TMEM63B: variants seen among roughly 807,000 people sequenced by gnomAD.
The protein encoded by TMEM63B is transmembrane protein 63B, also known as mechanosensitive cation channel TMEM63B.
TMEM63B carries 23 observed loss-of-function variants against 102.6 expected under a neutral mutation model. The ratio of observed to expected loss-of-function variants is 0.22; its 90% confidence interval spans 0.16 to 0.32. TMEM63B has a LOEUF of 0.32. Among genes scored for constraint, TMEM63B ranks in the 10% least tolerant of loss-of-function variants. The pLI is 1.00. For synonymous variants in TMEM63B, 444 were observed against 437.0 expected (o/e 1.02, Z -0.20); for missense variants, 628 against 1,095.9 (o/e 0.57, Z 6.03).
chr6:44,151,137 G>A (rs539937243), intron 18 of TMEM63B, among the ~76,000 whole-genome samples: 22 of 151,896 alleles, frequency 1.4e-4, no homozygotes, highest in East Asian at 5.8e-4. Flanking sequence ...GTCTGTGGGC[G>A]GGGAGGCTAA....
chr6:44,137,935 GT>G (rs1763326066), intron 5 of TMEM63B, among the ~76,000 whole-genome samples: 1 of 152,082 alleles, frequency 6.6e-6, no homozygotes, highest in Non-Finnish European at 1.5e-5. Flanking sequence ...CCTGACCTCA[GT>G]TGATCCGCCC....
In TMEM63B at chr6:44,148,770, G is replaced by T; in HGVS notation, c.1260-22G>T. The T allele has an allele frequency of 6.2e-7, 1 of 1,614,024 alleles. No homozygotes were observed. On this transcript the variant is annotated intron_variant, in intron 14 of 23. Transcript: ENST00000323267. This position sits in a 1 kb window ranked among gnomAD's most constrained non-coding sequence, Gnocchi z 5.1. ...CAATCCTGCCCTTGGTTCCTGGACT[G>T]ACCGGTTCCCCACCTTGCCAGGGAG... is the stretch of plus-strand genomic sequence containing the variant.
intron 21 of TMEM63B, 107 bp from the exon 22 acceptor site, chr6:44,153,966 A>T (rs1019909021): frequency 5.8e-6 from 9 of 1,554,076 alleles, no homozygotes; most frequent in Non-Finnish European, 7.9e-6. Context: ...GGCTGGGGCC[A>T]GTCTGTAGCA....
In TMEM63B at chr6:44,147,487, G is replaced by A. The variant is rs375893055; in HGVS notation, c.974G>A (p.Arg325Gln). The A allele has an allele frequency of 3.2e-5, 51 of 1,614,040 alleles. No homozygotes were observed. Among genetic ancestry groups the A allele is most frequent in the Non-Finnish European group, 3.8e-5 (45 of 1,180,024 alleles). The change falls in exon 12 of 24, where the codon CGA becomes CAA. Residue 325 changes from arginine (R) to glutamine (Q), a missense_variant. Transcript: ENST00000323267. The stretch of plus-strand genomic sequence containing the variant: ...GGCCACCTCTGCTGCTGTGTGGTGC[G>A]AGGCTGTGAGCAGGTATGACGCGGG... The part of the protein sequence containing the change: ...PCGHLCCCVV[R>Q]GCEQVEAIEY...
intron 1 of TMEM63B, 122 bp from the exon 2 acceptor site, chr6:44,134,439 A>C: frequency 9.9e-7 from 1 of 1,013,034 alleles, no homozygotes; most frequent in Non-Finnish European, 1.4e-6. Flanking sequence ...TCCAGAGGCC[A>C]GAGCTTCCAT....
Position 44,136,210 on chromosome 6 carries a change from C to T in TMEM63B, c.279-139C>T. ...TGAGGGAAGCAGGGTAGAGGGCAGT[C>T]ATTCCTCTCTGCTTCAGCCTCTGCG... On this transcript the variant is annotated intron_variant, in intron 4 of 23. Transcript: ENST00000323267. 3 of 674,198 alleles carry T rather than the reference C, an allele frequency of 4.4e-6. No individual in the cohort carries two copies. The South Asian group carries it at 5.2e-5, about 12-fold the overall frequency. The allele number at this position is 674,198 out of a possible 1,614,324, so 41.8% of individuals were successfully genotyped here.
At position 44,148,234 on chromosome 6, in the gene TMEM63B, C is replaced by A; in HGVS notation, c.988-18C>A. 6.2e-7 allele frequency: 1 copy of A among 1,613,990 alleles called. No homozygotes were observed. The highest frequency in any genetic ancestry group is 8.5e-7 in the Non-Finnish European group (1 of 1,179,890). On this transcript the variant is annotated intron_variant, in intron 12 of 23. Transcript: ENST00000323267. This position sits in a 1 kb window ranked among gnomAD's most constrained non-coding sequence, Gnocchi z 5.1. ...TGGCTTTCCAACTAGAGGCCCTGTC[C>A]CTAACCCTCCCACAAAGGTGGAGGC...
intron 12 of TMEM63B, among the ~76,000 whole-genome samples, chr6:44,147,760 G>A (rs1032997004): frequency 6.6e-6 from 1 of 152,246 alleles, no homozygotes; most frequent in Admixed American, 6.5e-5. Flanking sequence ...CAGTGCCTCA[G>A]TTTCCTCATG....
rs944784909 is a variant in TMEM63B at position 44,155,028 on chromosome 6, A to G, written c.*145A>G. On this transcript the variant is annotated 3_prime_UTR_variant, in exon 24 of 24. Coordinates refer to ENST00000323267, the MANE Select transcript of TMEM63B (RefSeq NM_018426.3). ...TAAGGTATTTAAACTTGGGGGTTTCACTGCTCTCCCCCATGATGGAGGGAG... is the reference window on the plus strand; with the variant it reads ...TAAGGTATTTAAACTTGGGGGTTTCGCTGCTCTCCCCCATGATGGAGGGAG... 19 of 783,004 alleles carry G rather than the reference A, an allele frequency of 2.4e-5. No individual in the cohort carries two copies. The African/African-American group carries it at 3.1e-4, about 13-fold the overall frequency. The allele number at this position is 783,004 out of a possible 1,614,324, so 48.5% of individuals were successfully genotyped here. A position where few individuals can be genotyped will look rare whatever the true frequency, so the allele number is the denominator to read the frequency against.
At position 44,135,079 on chromosome 6, in the gene TMEM63B, G is replaced by C. The variant is rs200084588; in HGVS notation, c.222G>C (p.Leu74Phe). 1 of 1,614,238 alleles carries C rather than the reference G, an allele frequency of 6.2e-7. No individual in the cohort carries two copies. The highest frequency in any genetic ancestry group is 1.7e-5 in the Admixed American group (1 of 60,032). ...KVAWDYGRLA[L>F]VTDADRLRRQ... ...CCTGGGACTATGGGCGGCTGGCCTTGGTGACAGATGCAGACAGGTAAGGGT... is the reference window on the plus strand; with the variant it reads ...CCTGGGACTATGGGCGGCTGGCCTTCGTGACAGATGCAGACAGGTAAGGGT... The change falls in exon 3 of 24, where the codon TTG becomes TTC. Residue 74 changes from leucine to phenylalanine, a missense_variant. By Grantham distance (22) the Leu-to-Phe change is conservative (BLOSUM62 0). Around this residue, in one of 6 missense-constraint regions of TMEM63B, gnomAD observed 336 missense variants for 580.3 expected, o/e 0.58. Coordinates refer to ENST00000323267, the MANE Select transcript of TMEM63B (RefSeq NM_018426.3).
At chr6:44,151,223 T>C (rs900346679) in intron 18 of TMEM63B, among the ~76,000 whole-genome samples, 1 of 152,138 alleles carries the variant, frequency 6.6e-6, no homozygotes, top group African/African-American at 2.4e-5. Flanking sequence ...TATTCAGAGA[T>C]GTAACTGTGG....
chr6:44,126,703 A>G (rs186535752), upstream of TMEM63B, among the ~76,000 whole-genome samples: 3 of 152,334 alleles, frequency 2.0e-5, no homozygotes, highest in East Asian at 5.8e-4. Flanking sequence ...GGAACCAGAA[A>G]TTAAATGACC....
At chr6:44,138,808 A>G (rs1763612557) in intron 6 of TMEM63B, 1 of 389,678 alleles carries the variant, frequency 2.6e-6, no homozygotes, top group Non-Finnish European at 4.8e-6. Flanking sequence ...ACCTCTGTGC[A>G]GCCAGTGAGT....
At chr6:44,145,626 G>A (rs868454285) in intron 10 of TMEM63B, among the ~76,000 whole-genome samples, 16 of 148,226 alleles carry the variant, frequency 1.1e-4, no homozygotes, top group Admixed American at 2.8e-4. Context: ...AAACAAAAAC[G>A]AAACAAAAAA....
intron 1 of TMEM63B, among the ~76,000 whole-genome samples, chr6:44,132,464 C>T (rs1762131143): frequency 6.6e-6 from 1 of 152,128 alleles, no homozygotes; most frequent in East Asian, 1.9e-4. Context: ...CCTTGGAATT[C>T]AGAGAGAGAA....
intron 1 of TMEM63B, among the ~76,000 whole-genome samples, chr6:44,128,994 G>C (rs955697147): frequency 6.6e-6 from 1 of 152,236 alleles, no homozygotes; most frequent in African/African-American, 2.4e-5. Context: ...TCCAAGTATA[G>C]CAGAGTCTTA....
At chr6:44,149,048 T>TC (rs35937558) in intron 15 of TMEM63B, 103 bp downstream of exon 15, 315,789 of 1,570,292 alleles carry the variant, frequency 0.2, 34,475 homozygotes, top group Non-Finnish European at 0.23. Flanking sequence ...TTCTGCTTGT[T>TC]CCAACCCCGT....
rs1203344914 is a variant in TMEM63B, at chr6:44,154,985, C to T, written c.*102C>T. ...TTATTAGATCTAAAGCCCCTTCCTCCCCAGCCCCTGCTTTCATTAAGGTAT... is the reference window on the plus strand; with the variant it reads ...TTATTAGATCTAAAGCCCCTTCCTCTCCAGCCCCTGCTTTCATTAAGGTAT... On this transcript the variant is annotated 3_prime_UTR_variant, in exon 24 of 24. Transcript: ENST00000323267. 2.7e-6 allele frequency: 3 copies of T among 1,127,100 alleles called. No individual in the cohort carries two copies. In the African/African-American group the frequency reaches 4.8e-5, roughly 18 times the overall value. 69.8% of individuals were successfully genotyped at this position (1,127,100 alleles called of 1,614,324 possible).
At chr6:44,138,238 G>A (rs535150091) in intron 5 of TMEM63B, 126 of 516,078 alleles carry the variant, frequency 2.4e-4, no homozygotes, top group African/African-American at 2.3e-3. Flanking sequence ...TGTAGATCTG[G>A]ACATGGGGAT....
Sources: allele counts gnomAD v4.1 joint callset (sites outside exome capture counted in the v4.1 genomes callset), GRCh38; gene constraint gnomAD v4.1.1; regional missense constraint gnomAD v4.1.1; non-coding constraint Gnocchi (gnomAD v3.1); transcripts MANE v1.5; gene names NCBI Gene and HGNC (gene_info 2026-07-23, HGNC 2026-07-21).